CAST: variants seen among roughly 807,000 people sequenced by gnomAD.
The protein encoded by CAST is MIR583 host.
CAST carries 76 observed loss-of-function variants against 119.6 expected under a neutral mutation model. That is an observed-to-expected ratio of 0.64 (90% CI 0.53 to 0.77). The LOEUF (loss-of-function observed/expected upper bound fraction) is 0.77, where lower values mean the gene tolerates loss of function less well. Among genes scored for constraint, CAST ranks in the 30% least tolerant of loss-of-function variants. CAST has a pLI of 0.00. For synonymous variants in CAST, 319 were observed against 331.6 expected, an observed-to-expected ratio of 0.96 and a Z score of 0.41; for missense variants, 953 against 946.5, an observed-to-expected ratio of 1.01 and a Z score of -0.09.
At chr5:96,540,171 T>C (rs1745886075) in intron 1 of CAST, among the ~76,000 whole-genome samples, 1 of 152,124 alleles carries the variant, frequency 6.6e-6, no homozygotes, top group South Asian at 2.1e-4. Flanking sequence ...TTTCTATTTT[T>C]TTCTTTTAAA....
the CAST span, among the ~76,000 whole-genome samples, chr5:96,349,137 C>CTTTTTTTTTTTTTTTTTTTT: frequency 1.9e-4 from 6 of 31,286 alleles, no homozygotes; most frequent in African/African-American, 1.1e-3. Flanking sequence ...AACAAGGACA[C>CTTTTTTTTTTTTTTTTTTTT]TATTTTTTTT....
At chr5:96,342,082 T>C in the CAST span, among the ~76,000 whole-genome samples, 2 of 152,200 alleles carry the variant, frequency 1.3e-5, no homozygotes, top group Non-Finnish European at 1.5e-5. Context: ...TCTTCCTCAC[T>C]AATTCTCACT....
chr5:95,992,921 T>C, the CAST span, among the ~76,000 whole-genome samples: 10 of 151,920 alleles, frequency 6.6e-5, no homozygotes, highest in African/African-American at 2.2e-4. Context: ...TTCAAAACAA[T>C]TTTGAAAAAA....
intron 1 of CAST, among the ~76,000 whole-genome samples, chr5:96,643,865 T>A (rs1477287856): frequency 6.6e-6 from 1 of 151,948 alleles, no homozygotes; most frequent in Non-Finnish European, 1.5e-5. Flanking sequence ...GAGCGAGACT[T>A]CATCTCAAAA....
intron 1 of CAST, among the ~76,000 whole-genome samples, chr5:96,577,453 T>A (rs1746692430): frequency 6.6e-6 from 1 of 152,090 alleles, no homozygotes; most frequent in Admixed American, 6.5e-5. Flanking sequence ...ACTTTTCTAG[T>A]TTCTTGAGGT....
the CAST span, among the ~76,000 whole-genome samples, chr5:96,131,870 G>A: frequency 6.6e-6 from 1 of 152,116 alleles, no homozygotes. Flanking sequence ...CAAGAAATTC[G>A]ATTCAGGTGA....
chr5:96,013,396 T>G, the CAST span, among the ~76,000 whole-genome samples: 8 of 152,102 alleles, frequency 5.3e-5, no homozygotes, highest in African/African-American at 1.9e-4. Flanking sequence ...CTTGGATATA[T>G]TCACATATCA....
chr5:96,349,800 G>A, the CAST span, among the ~76,000 whole-genome samples: 3,768 of 152,116 alleles, frequency 0.025, 152 homozygotes, highest in African/African-American at 0.086. Context: ...TTCACCATCA[G>A]AACTGAGCTT....
At chr5:96,517,853 A>G in the CAST span, among the ~76,000 whole-genome samples, 1 of 152,276 alleles carries the variant, frequency 6.6e-6, no homozygotes, top group Non-Finnish European at 1.5e-5. Flanking sequence ...AATAATAATG[A>G]CAGCATGTCT....
chr5:96,072,049 C>T, the CAST span, among the ~76,000 whole-genome samples: 1 of 152,008 alleles, frequency 6.6e-6, no homozygotes, highest in Non-Finnish European at 1.5e-5. Context: ...GAAAAGAAAA[C>T]TTAAATTGAT....
chr5:96,606,780 G>A (rs1747264446), intron 1 of CAST, among the ~76,000 whole-genome samples: 1 of 152,186 alleles, frequency 6.6e-6, no homozygotes. Context: ...TAGGGATTTG[G>A]TGCTTACTCT....
At chr5:96,653,201 G>A (rs773637774) in intron 1 of CAST, among the ~76,000 whole-genome samples, 3 of 152,240 alleles carry the variant, frequency 2.0e-5, no homozygotes, top group Admixed American at 1.3e-4. Flanking sequence ...CTGTGTCTGA[G>A]TAGGCAAACC....
At chr5:96,351,745 GA>G in the CAST span, among the ~76,000 whole-genome samples, 66 of 152,114 alleles carry the variant, frequency 4.3e-4, no homozygotes, top group Admixed American at 3.2e-3. Flanking sequence ...AGAAATTGGT[GA>G]AAAAAACTCA....
chr5:96,487,112 G>A, the CAST span, among the ~76,000 whole-genome samples: 87 of 152,250 alleles, frequency 5.7e-4, no homozygotes, highest in Non-Finnish European at 1.0e-3. Flanking sequence ...GTAATCTGTA[G>A]TAGGGGTCAG....
At chr5:96,410,959 C>T in the CAST span, 141 of 1,613,608 alleles carry the variant, frequency 8.7e-5, no homozygotes, top group African/African-American at 1.2e-3. Context: ...GAAGCCCAGA[C>T]GAAGATGGAC....
At chr5:96,426,004 G>C in the CAST span, 1 of 825,850 alleles carries the variant, frequency 1.2e-6, no homozygotes, top group East Asian at 2.5e-5. Context: ...ACTATCTCCA[G>C]TACCCTTCCC....
At chr5:96,199,307 A>G in the CAST span, among the ~76,000 whole-genome samples, 1 of 152,184 alleles carries the variant, frequency 6.6e-6, no homozygotes, top group Admixed American at 6.6e-5. Context: ...AAGAACAAGA[A>G]AAAAGAACAA....
the CAST span, among the ~76,000 whole-genome samples, chr5:96,245,631 A>C: frequency 2.6e-5 from 4 of 152,100 alleles, no homozygotes; most frequent in Admixed American, 6.5e-5. Flanking sequence ...GAAAAAAAAA[A>C]AAAAAACAAA....
chr5:96,502,284 A>G, the CAST span, among the ~76,000 whole-genome samples: 1 of 152,134 alleles, frequency 6.6e-6, no homozygotes, highest in African/African-American at 2.4e-5. Flanking sequence ...GAATATCTTG[A>G]CGTGTATTGT....
Sources: allele counts gnomAD v4.1 joint callset (sites outside exome capture counted in the v4.1 genomes callset), GRCh38; gene constraint gnomAD v4.1.1; transcripts MANE v1.5; gene names NCBI Gene and HGNC (gene_info 2026-07-23, HGNC 2026-07-21).